GPC6: variants seen among roughly 807,000 people sequenced by gnomAD.
The protein encoded by GPC6 is glypican 6, also known as glypican-6.
In GPC6, 14 loss-of-function variants were observed where a neutral mutation model predicts 55.2. The ratio of observed to expected loss-of-function variants is 0.25; its 90% CI spans 0.17 to 0.40. The LOEUF (loss-of-function observed/expected upper bound fraction) is 0.40, where lower values mean the gene tolerates loss of function less well. Among genes scored for constraint, GPC6 ranks in the 10% least tolerant of loss-of-function variants. GPC6 has a pLI of 1.00. For synonymous variants in GPC6, 278 were observed against 259.6 expected, an observed-to-expected ratio of 1.07 and a Z score of -0.68; for missense variants, 641 against 708.5, an observed-to-expected ratio of 0.90 and a Z score of 1.08.
chr13:94,234,140 A>G (rs1210685770), intron 4 of GPC6, among the ~76,000 whole-genome samples: 1 of 152,136 alleles, frequency 6.6e-6, no homozygotes, highest in African/African-American at 2.4e-5. Context: ...TGGGAGACAG[A>G]AGAGACATCT....
At chr13:94,112,729 C>T (rs935200527) in intron 4 of GPC6, among the ~76,000 whole-genome samples, 4 of 152,110 alleles carry the variant, frequency 2.6e-5, no homozygotes, top group East Asian at 1.9e-4. Flanking sequence ...TGTAGCATCA[C>T]GGATGATACT....
intron 4 of GPC6, among the ~76,000 whole-genome samples, chr13:94,266,369 T>G (rs183771730): frequency 7.9e-5 from 12 of 152,006 alleles, no homozygotes; most frequent in Admixed American, 7.9e-4. Context: ...GGGGTTTCAC[T>G]GTGTTAGCCA....
intron 3 of GPC6, among the ~76,000 whole-genome samples, chr13:93,959,407 C>T (rs1329350470): frequency 1.3e-5 from 2 of 152,192 alleles, no homozygotes; most frequent in Non-Finnish European, 2.9e-5. Flanking sequence ...AGGTGATCTG[C>T]CTGTCTTGGC....
intron 7 of GPC6, among the ~76,000 whole-genome samples, chr13:94,393,324 A>C (rs2139221451): frequency 6.6e-6 from 1 of 152,290 alleles, no homozygotes; most frequent in Admixed American, 6.5e-5. Flanking sequence ...ACACTGAGTG[A>C]GATAAATGAG....
chr13:94,328,621 C>T (rs1026054604), intron 6 of GPC6, among the ~76,000 whole-genome samples: 2 of 152,220 alleles, frequency 1.3e-5, no homozygotes, highest in Non-Finnish European at 2.9e-5. Flanking sequence ...GCAGCATGGC[C>T]CTGCCTCCTG....
intron 1 of GPC6, among the ~76,000 whole-genome samples, chr13:93,494,094 C>T (rs1376447414): frequency 1.7e-5 from 2 of 120,280 alleles, no homozygotes; most frequent in Non-Finnish European, 3.5e-5. Flanking sequence ...CTTTCTGTCT[C>T]GTTGATCTGT....
Position 94,137,345 on chromosome 13 carries a change from G to C in GPC6, c.877+109451G>C, listed in dbSNP as rs564777660. Among the ~76,000 whole-genome samples the C allele has an allele frequency of 3.9e-5, 6 of 152,266 alleles. No homozygotes were observed. The South Asian group carries it at 1.2e-3, about 32-fold the overall frequency. The stretch of plus-strand genomic sequence containing the variant: ...TATTATTGATGAGAACAGGGCCCAG[G>C]GTGAAATTTTGTCCAGCTGGGACAT... On this transcript the variant is annotated intron_variant, in intron 4 of 8. Coordinates refer to ENST00000377047, the MANE Select transcript of GPC6 (RefSeq NM_005708.5).
intron 1 of GPC6, among the ~76,000 whole-genome samples, chr13:93,412,150 G>A (rs989215933): frequency 5.9e-5 from 9 of 152,050 alleles, no homozygotes; most frequent in Admixed American, 2.0e-4. Flanking sequence ...TAAATAATAA[G>A]TGGAGAGGAC....
At chr13:93,752,896 G>A (rs931838542) in intron 2 of GPC6, among the ~76,000 whole-genome samples, 10 of 152,144 alleles carry the variant, frequency 6.6e-5, no homozygotes, top group African/African-American at 1.9e-4. Context: ...TGGATTCAGC[G>A]GGTTGCACAA....
chr13:93,738,844 A>G (rs1884090494), intron 2 of GPC6, among the ~76,000 whole-genome samples: 1 of 151,988 alleles, frequency 6.6e-6, no homozygotes, highest in South Asian at 2.1e-4. Flanking sequence ...CTGTTTTAGC[A>G]GTTCTCTAGT....
intron 4 of GPC6, among the ~76,000 whole-genome samples, chr13:94,050,056 C>A (rs985870402): frequency 6.6e-6 from 1 of 152,086 alleles, no homozygotes; most frequent in African/African-American, 2.4e-5. Flanking sequence ...GGCTCCCCAG[C>A]CACGTAGAAC....
intron 4 of GPC6, among the ~76,000 whole-genome samples, chr13:94,150,506 A>G (rs1420065693): frequency 1.3e-5 from 2 of 151,940 alleles, no homozygotes; most frequent in African/African-American, 4.8e-5. Flanking sequence ...CTCCTTCCCC[A>G]GAAGTACTGG....
chr13:93,511,449 T>A (rs1880968876), intron 1 of GPC6, among the ~76,000 whole-genome samples: 1 of 43,036 alleles, frequency 2.3e-5, no homozygotes, highest in South Asian at 8.4e-4. Context: ...TTCCCCAATA[T>A]AAATTTTTTT....
At chr13:93,345,779 T>C (rs2139157042) in intron 1 of GPC6, among the ~76,000 whole-genome samples, 1 of 152,322 alleles carries the variant, frequency 6.6e-6, no homozygotes, top group Middle Eastern at 3.4e-3. Flanking sequence ...AACCTATTTT[T>C]TATTAAATTT....
At chr13:93,341,521 A>ATT (rs1880254003) in intron 1 of GPC6, among the ~76,000 whole-genome samples, 2 of 152,126 alleles carry the variant, frequency 1.3e-5, no homozygotes, top group African/African-American at 4.8e-5. Flanking sequence ...TTTTTTCCTA[A>ATT]GTTTGATGGC....
At chr13:93,536,999 C>A (rs892667031) in intron 1 of GPC6, among the ~76,000 whole-genome samples, 1 of 152,120 alleles carries the variant, frequency 6.6e-6, no homozygotes, top group African/African-American at 2.4e-5. Context: ...TGAAAATATT[C>A]CACGAGAGTT....
At chr13:93,396,937 C>T (rs1875881825) in intron 1 of GPC6, among the ~76,000 whole-genome samples, 1 of 152,014 alleles carries the variant, frequency 6.6e-6, no homozygotes, top group South Asian at 2.1e-4. Flanking sequence ...CTACATTTTC[C>T]ATTTAAGGGT....
chr13:93,228,734 G>T (rs987515783), intron 1 of GPC6, among the ~76,000 whole-genome samples: 4 of 152,206 alleles, frequency 2.6e-5, no homozygotes, highest in Admixed American at 6.5e-5. Flanking sequence ...GAAGTCCTTA[G>T]TGACCTCAGA....
chr13:93,893,059 ATT>A (rs1271008047), intron 3 of GPC6, among the ~76,000 whole-genome samples: 16 of 142,044 alleles, frequency 1.1e-4, no homozygotes, highest in Admixed American at 3.5e-4. Context: ...TAACCATTAA[ATT>A]TTTTTTTTTT....
Sources: allele counts gnomAD v4.1 joint callset (sites outside exome capture counted in the v4.1 genomes callset), GRCh38; gene constraint gnomAD v4.1.1; transcripts MANE v1.5; gene names NCBI Gene and HGNC (gene_info 2026-07-23, HGNC 2026-07-21).